BLTP1: variants seen among roughly 807,000 people sequenced by gnomAD.
BLTP1 encodes bridge-like lipid transfer protein family member 1.
At chr4:122,174,362 G>C in the BLTP1 span, 1 of 979,602 alleles carries the variant, frequency 1.0e-6, no homozygotes, top group Admixed American at 6.1e-5. Flanking sequence ...AGGTTATTTA[G>C]TAGCTTACTT....
At chr4:122,334,610 T>G in the BLTP1 span, 1 of 1,495,048 alleles carries the variant, frequency 6.7e-7, no homozygotes, top group African/African-American at 1.4e-5. Context: ...ACCTACTTGC[T>G]CTTTTGAGAC....
At chr4:122,218,003 A>T in the BLTP1 span, among the ~76,000 whole-genome samples, 2 of 152,110 alleles carry the variant, frequency 1.3e-5, no homozygotes, top group Non-Finnish European at 2.9e-5. Context: ...GTTCACCTAA[A>T]GGTGTTCATA....
At chr4:122,154,689 T>C in the BLTP1 span, among the ~76,000 whole-genome samples, 429 of 152,164 alleles carry the variant, frequency 2.8e-3, 15 homozygotes, top group East Asian at 0.058. Context: ...CTGGCTAACA[T>C]GGTGAAACCC....
the BLTP1 span, chr4:122,344,360 T>G: frequency 6.2e-7 from 1 of 1,606,228 alleles, no homozygotes; most frequent in East Asian, 2.2e-5. Flanking sequence ...GTGGGGGTTG[T>G]GTTTGTTTGT....
chr4:122,257,270 G>A, the BLTP1 span: 1 of 1,613,668 alleles, frequency 6.2e-7, no homozygotes. Flanking sequence ...TGGACTTCCT[G>A]CTTTGGTAAC....
At chr4:122,180,946 C>T in the BLTP1 span, among the ~76,000 whole-genome samples, 2 of 152,156 alleles carry the variant, frequency 1.3e-5, no homozygotes, top group Admixed American at 6.5e-5. Context: ...AAGGGACATA[C>T]TTTACCATCA....
the BLTP1 span, chr4:122,209,168 G>C: frequency 6.2e-7 from 1 of 1,604,312 alleles, no homozygotes; most frequent in Non-Finnish European, 8.5e-7. Flanking sequence ...GGGAGAAGAT[G>C]TTGATCTTCA....
chr4:122,330,179 C>T, the BLTP1 span, among the ~76,000 whole-genome samples: 1 of 151,752 alleles, frequency 6.6e-6, no homozygotes, highest in Non-Finnish European at 1.5e-5. Context: ...AAAAATGCTG[C>T]AGTGAACTTG....
At chr4:122,188,812 C>T in the BLTP1 span, 1 of 299,674 alleles carries the variant, frequency 3.3e-6, no homozygotes, top group South Asian at 1.3e-4. Flanking sequence ...TACAGTGTCT[C>T]AGCTTTTATC....
the BLTP1 span, chr4:122,258,780 A>T: frequency 1.2e-6 from 2 of 1,614,054 alleles, no homozygotes; most frequent in Admixed American, 3.3e-5. Flanking sequence ...CTGTAACTGG[A>T]GCTGAGATAA....
At chr4:122,354,112 A>C in the BLTP1 span, 1 of 1,085,226 alleles carries the variant, frequency 9.2e-7, no homozygotes, top group South Asian at 1.5e-5. Flanking sequence ...TGGTGTTTTC[A>C]TTTCCTTAAA....
chr4:122,158,301 A>C, the BLTP1 span, among the ~76,000 whole-genome samples: 1 of 152,328 alleles, frequency 6.6e-6, no homozygotes, highest in East Asian at 1.9e-4. Flanking sequence ...GGTAGTTTCT[A>C]TTTATCTCTT....
chr4:122,344,326 G>A, the BLTP1 span: 5 of 1,546,310 alleles, frequency 3.2e-6, no homozygotes, highest in Non-Finnish European at 1.8e-6. Flanking sequence ...CTAGACAGCT[G>A]TGTGTATATA....
At chr4:122,169,525 G>A in the BLTP1 span, 1 of 578,910 alleles carries the variant, frequency 1.7e-6, no homozygotes, top group Non-Finnish European at 2.2e-6. Context: ...TTTTGTTATC[G>A]GTAGGTTGGG....
At chr4:122,347,420 G>A in the BLTP1 span, 1 of 1,420,520 alleles carries the variant, frequency 7.0e-7, no homozygotes, top group Non-Finnish European at 9.5e-7. Context: ...GAAGGAATAT[G>A]TAATGTGATT....
the BLTP1 span, chr4:122,269,447 A>G: frequency 1.0e-6 from 1 of 985,232 alleles, no homozygotes; most frequent in South Asian, 4.7e-5. Context: ...GCTGAACTTG[A>G]CATTCCTTTT....
chr4:122,254,822 G>T, the BLTP1 span: 30 of 1,579,164 alleles, frequency 1.9e-5, no homozygotes, highest in Non-Finnish European at 2.6e-5. Context: ...AACCTTTTAA[G>T]CACTGCAACA....
chr4:122,184,654 A>G, the BLTP1 span: 1 of 984,292 alleles, frequency 1.0e-6, no homozygotes, highest in Non-Finnish European at 1.2e-6. Flanking sequence ...AAAAACCAAA[A>G]AACAAAAAAC....
the BLTP1 span, chr4:122,279,734 C>A: frequency 6.3e-7 from 1 of 1,577,902 alleles, no homozygotes. Flanking sequence ...CTTTACTTGG[C>A]TGTTGGCTGT....
Sources: gnomAD v4.1 joint callset for allele counts (sites outside exome capture counted in the v4.1 genomes callset) on GRCh38, gnomAD v4.1.1 for gene constraint, MANE v1.5 for transcripts, NCBI Gene and HGNC (gene_info 2026-07-23, HGNC 2026-07-21) for gene names.